Variants in NECAB2 observed in about 807,000 individuals in gnomAD.
The protein encoded by NECAB2 is N-terminal EF-hand calcium-binding protein 2.
In NECAB2, 68 loss-of-function variants were observed where a neutral mutation model predicts 51.9. That is an observed-to-expected ratio of 1.31 (90% CI 1.08 to 1.60). The LOEUF (loss-of-function observed/expected upper bound fraction) is 1.60, where lower values mean the gene tolerates loss of function less well. NECAB2 is among the 40% of genes most tolerant of loss of function. The pLI is 0.00. For synonymous variants in NECAB2, 329 were observed against 203.5 expected, an observed-to-expected ratio of 1.62 and a Z score of -5.25; for missense variants, 854 against 490.3, an observed-to-expected ratio of 1.74 and a Z score of -7.00.
chr16:84,001,017 T>C (rs2292330), intron 11 of NECAB2, among the ~76,000 whole-genome samples: 36,169 of 151,920 alleles, frequency 0.24, 9,320 homozygotes, highest in African/African-American at 0.65. Flanking sequence ...CAGCTGGGCT[T>C]TCCTGCTTTC....
intron 8 of NECAB2, among the ~76,000 whole-genome samples, chr16:83,995,993 G>A (rs2084693013): frequency 6.6e-6 from 1 of 152,224 alleles, no homozygotes; most frequent in Non-Finnish European, 1.5e-5. Flanking sequence ...GTACCTGGGC[G>A]TCCTGGAGAC....
In NECAB2 at chr16:84,002,689, C is replaced by T. The variant is rs8044745; in HGVS notation, c.*343C>T. 0.075 allele frequency: 28,115 copies of T among 373,686 alleles called. 2,404 individuals carry two copies. Among genetic ancestry groups the T allele is most frequent in the African/African-American group, 0.28 (13,631 of 48,080 alleles). 23.1% of individuals were successfully genotyped at this position (373,686 alleles called of 1,614,324 possible). A position where few individuals can be genotyped will look rare whatever the true frequency, so the allele number is the denominator to read the frequency against. Reference sequence around the variant, plus strand: ...TGCCCTCTTCGGTGACATTCTTCTACCTAGTAGGAGTCATGCCCCTGTAGT... The same window carrying T: ...TGCCCTCTTCGGTGACATTCTTCTATCTAGTAGGAGTCATGCCCCTGTAGT... On this transcript the variant is annotated 3_prime_UTR_variant, in exon 13 of 13. Coordinates refer to ENST00000305202, the MANE Select transcript of NECAB2 (RefSeq NM_019065.3).
Position 83,972,104 on chromosome 16 carries a change from C to T in NECAB2, c.202-47C>T, listed in dbSNP as rs369878543. The stretch of plus-strand genomic sequence containing the variant: ...ATCCGGTCAGAGGCTGCAGGAAGCG[C>T]TTGCCTCTCCCTGGCCCAGGGCTGA... On this transcript the variant is annotated intron_variant, in intron 1 of 12. Transcript: ENST00000305202. 68 of 1,611,776 alleles carry T rather than the reference C, an allele frequency of 4.2e-5. 2 individuals are homozygous for T. The South Asian group carries it at 6.4e-4, about 15-fold the overall frequency.
intron 5 of NECAB2, among the ~76,000 whole-genome samples, chr16:83,982,626 T>C (rs967060895): frequency 6.6e-6 from 1 of 152,206 alleles, no homozygotes; most frequent in African/African-American, 2.4e-5. Context: ...CTAGCCATGC[T>C]GTGAGGCATT....
rs2084813961 is a variant in NECAB2, at chr16:84,000,769, T to C, written c.1008T>C (p.Tyr336=). The C allele has an allele frequency of 1.2e-6, 2 of 1,613,690 alleles. No homozygotes were observed. The highest frequency in any genetic ancestry group is 1.7e-5 in the Admixed American group (1 of 59,996). The change falls in exon 11 of 13, where the codon TAT becomes TAC. Residue 336 remains tyrosine, a synonymous_variant. Transcript: ENST00000305202. ...CAGATGGCTTCACCTTTGTCATCTA[T>C]GAGTTCTGGGAGACAGAGGAGGCGT... ...RLSDGFTFVI[Y]EFWETEEAWK...
rs145718913 is a variant in NECAB2 at position 84,001,851 on chromosome 16, C to T, written c.1067C>T (p.Ala356Val). ...KRHLQSPLCK[A>V]FRHVKVDTLS... is the part of the protein sequence containing the mutation. ...CACCTGCAGAGCCCCCTGTGTAAGGCGTTCCGGCACGTCAAGGTGGACACA... is the reference window on the plus strand; with the variant it reads ...CACCTGCAGAGCCCCCTGTGTAAGGTGTTCCGGCACGTCAAGGTGGACACA... The change falls in exon 12 of 13, where the codon GCG (alanine) becomes GTG (valine). Residue 356 changes from alanine (A) to valine (V), a missense_variant. Transcript: ENST00000305202. 86 of 1,614,012 alleles carry T rather than the reference C, an allele frequency of 5.3e-5. No homozygotes were observed. The highest frequency in any genetic ancestry group is 1.5e-4 in the Admixed American group (9 of 60,008).
chr16:83,976,019 C>T (rs894266128), intron 2 of NECAB2, among the ~76,000 whole-genome samples: 1 of 152,178 alleles, frequency 6.6e-6, no homozygotes, highest in East Asian at 1.9e-4. Flanking sequence ...CCTGCTCTCC[C>T]TGTGTGCCGA....
chr16:83,993,414 A>C (rs2084651304), intron 6 of NECAB2: 1 of 153,428 alleles, frequency 6.5e-6, no homozygotes, highest in South Asian at 2.0e-4. Context: ...CAAGAGACAA[A>C]TTCCAGAATG....
intron 6 of NECAB2, among the ~76,000 whole-genome samples, chr16:83,990,885 G>C (rs2084615418): frequency 6.6e-6 from 1 of 152,152 alleles, no homozygotes; most frequent in South Asian, 2.1e-4. Context: ...TATTAATACA[G>C]TGAAGACACC....
At chr16:83,999,220 G>C (rs577358208) in intron 10 of NECAB2, among the ~76,000 whole-genome samples, 2 of 152,124 alleles carry the variant, frequency 1.3e-5, no homozygotes, top group South Asian at 2.1e-4. Flanking sequence ...GGCCGTTCCC[G>C]AGACTCGGCG....
At chr16:83,994,501 G>A (rs2084669541) in intron 7 of NECAB2, 81 bp downstream of exon 7, 4 of 1,591,590 alleles carry the variant, frequency 2.5e-6, no homozygotes, top group Non-Finnish European at 3.4e-6. Context: ...AGGGACTGGG[G>A]AGATGAGCAA....
intron 2 of NECAB2, among the ~76,000 whole-genome samples, chr16:83,972,394 C>T (rs1017181156): frequency 6.6e-6 from 1 of 152,230 alleles, no homozygotes; most frequent in African/African-American, 2.4e-5. Flanking sequence ...GGGACAGCTC[C>T]ACTCAAGGGC....
intron 8 of NECAB2, among the ~76,000 whole-genome samples, chr16:83,995,567 A>C (rs1254571227): frequency 6.6e-6 from 1 of 152,210 alleles, no homozygotes; most frequent in Non-Finnish European, 1.5e-5. Flanking sequence ...CACACAGCAC[A>C]CCCGTATACC....
rs1362302711 is a variant in NECAB2, at chr16:84,002,537, G to C, written c.*191G>C. 1 of 716,820 alleles carries C rather than the reference G, an allele frequency of 1.4e-6. No individual in the cohort carries two copies. Among genetic ancestry groups the C allele is most frequent in the African/African-American group, 1.8e-5 (1 of 55,904 alleles). The allele number at this position is 716,820 out of a possible 1,614,324, so 44.4% of individuals were successfully genotyped here. ...CCTGAGAAGGCAGAGCAGTGTCTGT[G>C]CTGCCAGGTCCTGGTGAAGCCCAAG... On this transcript the variant is annotated 3_prime_UTR_variant, in exon 13 of 13. Coordinates refer to ENST00000305202, the MANE Select transcript of NECAB2 (RefSeq NM_019065.3).
chr16:83,982,646 C>G (rs891373435), intron 5 of NECAB2, among the ~76,000 whole-genome samples: 2 of 152,120 alleles, frequency 1.3e-5, no homozygotes, highest in African/African-American at 4.8e-5. Flanking sequence ...TCGTAACATC[C>G]ATGGTTGCGT....
intron 5 of NECAB2, among the ~76,000 whole-genome samples, chr16:83,988,370 C>T (rs1308475684): frequency 6.6e-6 from 1 of 152,236 alleles, no homozygotes; most frequent in African/African-American, 2.4e-5. Flanking sequence ...TTAAAAAATA[C>T]ATTATTATTA....
At chr16:83,984,075 C>G (rs989033357) in intron 5 of NECAB2, among the ~76,000 whole-genome samples, 1 of 150,960 alleles carries the variant, frequency 6.6e-6, no homozygotes, top group Non-Finnish European at 1.5e-5. Context: ...AGCTCACTGC[C>G]AGCTCCGCCT....
rs1197963639 is a variant in NECAB2, at chr16:83,972,193, GCCGACGGCCGCC to G, written c.226+21_226+32del. The G allele has an allele frequency of 6.2e-7, 1 of 1,613,524 alleles. No individual in the cohort carries two copies. The highest frequency in any genetic ancestry group is 2.2e-5 in the East Asian group (1 of 44,884). On this transcript the variant is annotated intron_variant, in intron 2 of 12. Coordinates refer to ENST00000305202, the MANE Select transcript of NECAB2 (RefSeq NM_019065.3). ...CAAAAATGGTGAGTTTCCCTTCCAG[GCCGACGGCCGCC>G]CCACTCCTTCTGTCCTCGTGCTTCA...
At chr16:83,994,875 G>T (rs937241533) in intron 8 of NECAB2, among the ~76,000 whole-genome samples, 187 bp downstream of exon 8, 3 of 152,182 alleles carry the variant, frequency 2.0e-5, no homozygotes, top group African/African-American at 2.4e-5. Context: ...GGATGCTCGT[G>T]TTGTTCAGGC....
Sources: allele counts gnomAD v4.1 joint callset (sites outside exome capture counted in the v4.1 genomes callset), GRCh38; gene constraint gnomAD v4.1.1; transcripts MANE v1.5; gene names NCBI Gene and HGNC (gene_info 2026-07-23, HGNC 2026-07-21).